Variants in PTPRK observed in about 807,000 individuals in gnomAD.
The protein encoded by PTPRK is protein tyrosine phosphatase receptor type K, also known as receptor-type tyrosine-protein phosphatase kappa.
In PTPRK, 75 loss-of-function variants were observed where a neutral mutation model predicts 178.0. The observed-to-expected ratio is 0.42, with a 90% CI of 0.35 to 0.51. The LOEUF is 0.51. PTPRK is among the 20% of genes least tolerant of loss of function. The pLI is 0.02. For synonymous variants in PTPRK, 637 were observed against 620.6 expected, an observed-to-expected ratio of 1.03 and a Z score of -0.39; for missense variants, 1,441 against 1,797.8, an observed-to-expected ratio of 0.80 and a Z score of 3.59.
chr6:128,006,558 C>G (rs1778441207), intron 14 of PTPRK, among the ~76,000 whole-genome samples: 1 of 150,882 alleles, frequency 6.6e-6, no homozygotes. Context: ...TAGGTATATA[C>G]ATATGTTATG....
chr6:127,969,401 G>A lies in PTPRK; in HGVS notation c.*826C>T, dbSNP rs1293523800. 1.3e-5 allele frequency: 2 copies of A among 152,110 alleles called. No individual in the cohort carries two copies. The highest frequency in any genetic ancestry group is 3.8e-4 in the East Asian group (2 of 5,196). The allele number at this position is 152,110 out of a possible 1,614,324, so 9.4% of individuals were successfully genotyped here. On this transcript the variant is annotated 3_prime_UTR_variant, in exon 30 of 30. Coordinates refer to ENST00000368226, the MANE Select transcript of PTPRK (RefSeq NM_002844.4). The stretch of plus-strand genomic sequence containing the variant: ...TTACACAAATTTAATTCACAAGCAT[G>A]TACACAAGAGAATCACTATAAAGAA...
At chr6:128,173,957 A>C (rs921667756) in intron 7 of PTPRK, among the ~76,000 whole-genome samples, 2 of 151,984 alleles carry the variant, frequency 1.3e-5, no homozygotes, top group African/African-American at 4.8e-5. Flanking sequence ...CCTTACATAA[A>C]ATATTTTAAT....
rs566432600 is a variant in PTPRK, at chr6:128,202,775, A to G, written c.868+16147T>C. Among the ~76,000 whole-genome samples the G allele has an allele frequency of 2.0e-5, 3 of 152,304 alleles. No individual in the cohort carries two copies. The East Asian group carries it at 5.8e-4, about 29-fold the overall frequency. On this transcript the variant is annotated intron_variant, in intron 6 of 29. Coordinates refer to ENST00000368226, the MANE Select transcript of PTPRK (RefSeq NM_002844.4). ...GGCACTAATAAATAGCCTACAAACC[A>G]AAATAAAGCCCAGGATCAGATGGAT...
At chr6:128,336,051 C>G (rs1041980673) in intron 2 of PTPRK, among the ~76,000 whole-genome samples, 1 of 152,198 alleles carries the variant, frequency 6.6e-6, no homozygotes, top group Non-Finnish European at 1.5e-5. Flanking sequence ...CAAGCAAATA[C>G]TTCTCTGATT....
At chr6:128,002,067 G>A (rs1777892711) in intron 15 of PTPRK, among the ~76,000 whole-genome samples, 1 of 151,702 alleles carries the variant, frequency 6.6e-6, no homozygotes, top group Admixed American at 6.6e-5. Context: ...GAGAGTGCAA[G>A]TAGAGATGAA....
At chr6:128,092,028 C>T (rs1166094391) in intron 7 of PTPRK, among the ~76,000 whole-genome samples, 1 of 151,728 alleles carries the variant, frequency 6.6e-6, no homozygotes, top group African/African-American at 2.4e-5. Context: ...GTTTTGGTGT[C>T]TTTAAATGCT....
intron 14 of PTPRK, among the ~76,000 whole-genome samples, chr6:128,006,329 T>G (rs1306891719): frequency 6.6e-6 from 1 of 150,964 alleles, no homozygotes. Context: ...TGCCAAAATA[T>G]TGAAAAATTA....
At chr6:128,089,526 A>G (rs888489700) in intron 8 of PTPRK, among the ~76,000 whole-genome samples, 164 bp downstream of exon 8, 6 of 152,212 alleles carry the variant, frequency 3.9e-5, no homozygotes, top group African/African-American at 1.4e-4. Flanking sequence ...GAAGAATATT[A>G]GGTTTTGTAA....
chr6:128,128,870 A>C (rs1793784987), intron 7 of PTPRK, among the ~76,000 whole-genome samples: 1 of 152,250 alleles, frequency 6.6e-6, no homozygotes, highest in South Asian at 2.1e-4. Flanking sequence ...AGTACCAAAA[A>C]GATTCATTTG....
At chr6:128,343,079 T>C (rs897619857) in intron 2 of PTPRK, among the ~76,000 whole-genome samples, 1 of 152,240 alleles carries the variant, frequency 6.6e-6, no homozygotes, top group African/African-American at 2.4e-5. Context: ...ACACTTTCAG[T>C]GGTGAAAATT....
At position 128,075,340 on chromosome 6, in the gene PTPRK, G is replaced by C. The variant is rs565771070; in HGVS notation, c.1883+3473C>G. The stretch of plus-strand genomic sequence containing the variant: ...GTCCTTCTTGTGCCCACCTTCAGTT[G>C]TGGGGCTGGCACTAAACAACCTCTC... On this transcript the variant is annotated intron_variant, in intron 11 of 29. Transcript: ENST00000368226. 2.0e-5 allele frequency among the ~76,000 whole-genome samples: 3 copies of C among 147,510 alleles called. No homozygotes were observed. In the South Asian group the frequency reaches 6.9e-4, roughly 34 times the overall value.
At chr6:128,019,707 T>A (rs1773184813) in intron 13 of PTPRK, among the ~76,000 whole-genome samples, 1 of 152,136 alleles carries the variant, frequency 6.6e-6, no homozygotes, top group African/African-American at 2.4e-5. Context: ...ACAGAGAATA[T>A]CTCCACTCTC....
chr6:128,485,397 C>A (rs1852664057), intron 1 of PTPRK, among the ~76,000 whole-genome samples: 1 of 152,074 alleles, frequency 6.6e-6, no homozygotes, highest in Admixed American at 6.5e-5. Context: ...GCCAATGTAG[C>A]CTTACATAGA....
At chr6:128,305,882 A>G (rs1826302384) in intron 3 of PTPRK, among the ~76,000 whole-genome samples, 1 of 152,194 alleles carries the variant, frequency 6.6e-6, no homozygotes, top group Non-Finnish European at 1.5e-5. Flanking sequence ...GATGGATGCT[A>G]TAGGGAATGC....
At chr6:128,045,383 C>G (rs933573068) in intron 13 of PTPRK, among the ~76,000 whole-genome samples, 25 of 151,896 alleles carry the variant, frequency 1.6e-4, no homozygotes, top group African/African-American at 6.0e-4. Flanking sequence ...AAATCAACTA[C>G]TTTTTAAACC....
At chr6:128,117,846 T>C (rs895377896) in intron 7 of PTPRK, among the ~76,000 whole-genome samples, 1 of 151,930 alleles carries the variant, frequency 6.6e-6, no homozygotes, top group Non-Finnish European at 1.5e-5. Context: ...AGAGATGGGG[T>C]TTTACCATGT....
chr6:128,264,645 T>A (rs1489979663), intron 3 of PTPRK, among the ~76,000 whole-genome samples: 1 of 152,032 alleles, frequency 6.6e-6, no homozygotes, highest in Non-Finnish European at 1.5e-5. Context: ...TGCACCACCA[T>A]ACCTGGCTCA....
chr6:128,067,213 G>A (rs891630607), intron 12 of PTPRK, among the ~76,000 whole-genome samples: 6 of 152,214 alleles, frequency 3.9e-5, no homozygotes, highest in Admixed American at 3.9e-4. Flanking sequence ...ACTGAGGGTG[G>A]AGTCCCAGCA....
intron 6 of PTPRK, among the ~76,000 whole-genome samples, chr6:128,205,242 C>CATGGAGGGGAT (rs1806710566): frequency 6.6e-6 from 1 of 152,058 alleles, no homozygotes; most frequent in Non-Finnish European, 1.5e-5. Context: ...AGGGGAACAA[C>CATGGAGGGGAT]ACACACTGGG....
Sources: allele counts gnomAD v4.1 joint callset (sites outside exome capture counted in the v4.1 genomes callset), GRCh38; gene constraint gnomAD v4.1.1; transcripts MANE v1.5; gene names NCBI Gene and HGNC (gene_info 2026-07-23, HGNC 2026-07-21).